The following DYNC1H1 variants were observed in gnomAD, a reference collection of about 807,000 sequenced individuals.
DYNC1H1 encodes the protein dynein cytoplasmic 1 heavy chain 1, also known as cytoplasmic dynein 1 heavy chain 1.
In DYNC1H1, 51 loss-of-function variants were observed where a neutral mutation model predicts 527.1. The observed-to-expected ratio is 0.10, with a 90% CI of 0.08 to 0.12. The LOEUF (loss-of-function observed/expected upper bound fraction) is 0.12, where lower values mean the gene tolerates loss of function less well. DYNC1H1 is among the 10% of genes least tolerant of loss of function. The pLI, the probability that DYNC1H1 is intolerant of heterozygous loss-of-function variation, is 1.00. For synonymous variants in DYNC1H1, 2,189 were observed against 2,278.8 expected (o/e 0.96, Z 1.12); for missense variants, 2,771 against 5,971.8 (o/e 0.46, Z 17.66).
Position 102,004,878 on chromosome 14 carries a change from G to T in DYNC1H1, c.5166G>T (p.Thr1722=), listed in dbSNP as rs369232191. 8.4e-5 allele frequency: 135 copies of T among 1,614,096 alleles called. No individual in the cohort carries two copies. The highest frequency in any genetic ancestry group is 1.1e-4 in the Non-Finnish European group (127 of 1,180,058). The change falls in exon 25 of 78, where the codon ACG becomes ACT. Residue 1722 remains threonine (T), a synonymous_variant. Coordinates refer to ENST00000360184, the MANE Select transcript of DYNC1H1 (RefSeq NM_001376.5). ...TLAKLLAESV[T]EVEIFGKATS... is the part of the protein sequence containing the mutation. Reference sequence around the variant, plus strand: ...CCAAACTGCTTGCTGAGTCTGTTACGGAAGTTGAGATTTTTGGTAAAGCAA... The same window carrying T: ...CCAAACTGCTTGCTGAGTCTGTTACTGAAGTTGAGATTTTTGGTAAAGCAA...
chr14:101,970,484 T>G (rs1358962601), intron 1 of DYNC1H1, among the ~76,000 whole-genome samples: 16 of 123,434 alleles, frequency 1.3e-4, no homozygotes, highest in South Asian at 2.9e-4. Flanking sequence ...TTTTTTTTTT[T>G]TTTTTTTTTT....
In DYNC1H1 at chr14:102,016,466, A is replaced by G; in HGVS notation, c.7591A>G (p.Asn2531Asp). 1 of 1,614,170 alleles carries G rather than the reference A, an allele frequency of 6.2e-7. No homozygotes were observed. The highest frequency in any genetic ancestry group is 8.5e-7 in the Non-Finnish European group (1 of 1,180,032). ...GACCGTGCCTCTGCCCACTGCGCCC[A>G]ACATACCCATTATCGATTATGAGGT... ...ITTVPLPTAP[N>D]IPIIDYEVSI... is the part of the protein sequence containing the mutation. The change falls in exon 37 of 78, where the codon AAC becomes GAC. Residue 2531 changes from asparagine (N) to aspartate (D), a missense_variant. By Grantham distance (23) the Asn-to-Asp change is conservative (BLOSUM62 1). Coordinates refer to ENST00000360184, the MANE Select transcript of DYNC1H1 (RefSeq NM_001376.5). This position sits in a 1 kb window ranked among gnomAD's most constrained non-coding sequence, Gnocchi z 7.3.
rs1236532725 is a variant in DYNC1H1, at chr14:102,002,763, G to A, written c.4710-29G>A. The A allele has an allele frequency of 1.2e-6, 2 of 1,614,248 alleles. No individual in the cohort carries two copies. The highest frequency in any genetic ancestry group is 1.7e-6 in the Non-Finnish European group (2 of 1,180,052). ...CGGCTAGTGACTACTCTACACAAAGGCTGACGCATGTTTTAATTTCATTTG... is the reference window on the plus strand; with the variant it reads ...CGGCTAGTGACTACTCTACACAAAGACTGACGCATGTTTTAATTTCATTTG... On this transcript the variant is annotated intron_variant, in intron 22 of 77. Coordinates refer to ENST00000360184, the MANE Select transcript of DYNC1H1 (RefSeq NM_001376.5). The surrounding 1 kb of genome is among the most constrained non-coding windows in gnomAD (Gnocchi z 4.4).
In DYNC1H1 at chr14:102,038,990, A is replaced by G; in HGVS notation, c.11207-11A>G. ...GATTATTGCAAACTCTGGATGTTTT[A>G]TTCATTTAAGGGGAATTTCAGCTCC... On this transcript the variant is annotated splice_polypyrimidine_tract_variant and intron_variant, in intron 59 of 77. Coordinates refer to ENST00000360184, the MANE Select transcript of DYNC1H1 (RefSeq NM_001376.5). This position sits in a 1 kb window ranked among gnomAD's most constrained non-coding sequence, Gnocchi z 7.2. 1 of 1,613,996 alleles carries G rather than the reference A, an allele frequency of 6.2e-7. No homozygotes were observed. The highest frequency in any genetic ancestry group is 8.5e-7 in the Non-Finnish European group (1 of 1,180,026).
At position 101,964,678 on chromosome 14, in the gene DYNC1H1, C is replaced by G; in HGVS notation, c.-14C>G. On this transcript the variant is annotated 5_prime_UTR_variant, in exon 1 of 78. Coordinates refer to ENST00000360184, the MANE Select transcript of DYNC1H1 (RefSeq NM_001376.5). This position sits in a 1 kb window ranked among gnomAD's most constrained non-coding sequence, Gnocchi z 5.5. ...GCCTTCTCATCGCTCCTGGAAGGTCCCGAGCGCGACACCATGTCGGAGCCC... is the reference window on the plus strand; with the variant it reads ...GCCTTCTCATCGCTCCTGGAAGGTCGCGAGCGCGACACCATGTCGGAGCCC... 6.3e-7 allele frequency: 1 copy of G among 1,581,672 alleles called. No individual in the cohort carries two copies. The highest frequency in any genetic ancestry group is 8.5e-7 in the Non-Finnish European group (1 of 1,169,802).
chr14:102,017,565 C>G lies in DYNC1H1; in HGVS notation c.8177+61C>G. 1 of 1,613,926 alleles carries G rather than the reference C, an allele frequency of 6.2e-7. No homozygotes were observed. Among genetic ancestry groups the G allele is most frequent in the Non-Finnish European group, 8.5e-7 (1 of 1,179,882 alleles). On this transcript the variant is annotated intron_variant, in intron 40 of 77. Transcript: ENST00000360184. This position sits in a 1 kb window ranked among gnomAD's most constrained non-coding sequence, Gnocchi z 4.6. ...CGCACAGCTCCAGGATTGCTGTAAACACAGCGCCACAAAAACCTGGTTTTG... is the reference window on the plus strand; with the variant it reads ...CGCACAGCTCCAGGATTGCTGTAAAGACAGCGCCACAAAAACCTGGTTTTG...
rs769959461 is a variant in DYNC1H1 at position 102,047,874 on chromosome 14, T to C, written c.13064T>C (p.Leu4355Pro). ...CAGATGTTGGAGGATGAGGACGACC[T>C]GGCCTACGCAGAGACTGAGAAGAAG... ...KMQMLEDEDD[L>P]AYAETEKKTR... The change falls in exon 73 of 78, where the codon CTG becomes CCG. Residue 4355 changes from leucine to proline, a missense_variant. Transcript: ENST00000360184. 1 of 1,613,610 alleles carries C rather than the reference T, an allele frequency of 6.2e-7. No homozygotes were observed. Among genetic ancestry groups the C allele is most frequent in the Non-Finnish European group, 8.5e-7 (1 of 1,179,994 alleles).
chr14:102,002,080 GT>G lies in DYNC1H1; in HGVS notation c.4542+406del, dbSNP rs939328444. Among the ~76,000 whole-genome samples, 3 of 150,846 alleles carry G rather than the reference GT, an allele frequency of 2.0e-5. No individual in the cohort carries two copies. The highest frequency in any genetic ancestry group is 4.4e-5 in the Non-Finnish European group (3 of 67,684). ...GAGTCACCACAGCCAGTCAATACTT[GT>G]TTTTTTGTTTGTTTGCTTGCTTTTT... On this transcript the variant is annotated intron_variant, in intron 21 of 77. Transcript: ENST00000360184. This position sits in a 1 kb window ranked among gnomAD's most constrained non-coding sequence, Gnocchi z 4.4.
chr14:102,013,247 T>TGA (rs1214960339), intron 34 of DYNC1H1, among the ~76,000 whole-genome samples: 1 of 30,250 alleles, frequency 3.3e-5, no homozygotes, highest in East Asian at 1.1e-3. Context: ...AGACTCCGTC[T>TGA]CAAAAAAAAA....
chr14:102,048,594 G>T lies in DYNC1H1; in HGVS notation c.13297G>T (p.Asp4433Tyr), dbSNP rs749297332. The part of the protein sequence containing the change: ...LLQDVRQDLA[D>Y]VVQVCEGKKK... ...TCAGGACGTTCGCCAGGACCTTGCA[G>T]ATGTCGTCCAGGTGTGCGAAGGAAA... The change falls in exon 74 of 78, where the codon GAT (aspartate) becomes TAT (tyrosine). Residue 4433 changes from aspartate to tyrosine, a missense_variant. By Grantham distance (160) the Asp-to-Tyr change is radical (BLOSUM62 -3). Around this residue, in one of 32 missense-constraint regions of DYNC1H1, gnomAD observed 170 missense variants for 249.8 expected, o/e 0.68. Coordinates refer to ENST00000360184, the MANE Select transcript of DYNC1H1 (RefSeq NM_001376.5). 1.2e-6 allele frequency: 2 copies of T among 1,614,216 alleles called. No homozygotes were observed. Among genetic ancestry groups the T allele is most frequent in the East Asian group, 4.5e-5 (2 of 44,880 alleles).
chr14:101,979,284 A>C lies in DYNC1H1; in HGVS notation c.345-35A>C, dbSNP rs747625605. The C allele has an allele frequency of 2.7e-5, 43 of 1,606,958 alleles. No individual in the cohort carries two copies. The highest frequency in any genetic ancestry group is 3.6e-5 in the Non-Finnish European group (42 of 1,173,936). On this transcript the variant is annotated intron_variant, in intron 2 of 77. Transcript: ENST00000360184. The surrounding 1 kb of genome is among the most constrained non-coding windows in gnomAD (Gnocchi z 4.6). Reference sequence around the variant, plus strand: ...ATTAATAAGCCTAATTAGGAGTGTAACTTTTCTAATTTCTTGTTTTATTTT... The same window carrying C: ...ATTAATAAGCCTAATTAGGAGTGTACCTTTTCTAATTTCTTGTTTTATTTT...
At position 102,027,040 on chromosome 14, in the gene DYNC1H1, C is replaced by T. The variant is rs2048458988; in HGVS notation, c.8772-134C>T. The T allele has an allele frequency of 9.3e-7, 1 of 1,079,596 alleles. No homozygotes were observed. Among genetic ancestry groups the T allele is most frequent in the Non-Finnish European group, 1.4e-6 (1 of 699,980 alleles). The allele number at this position is 1,079,596 out of a possible 1,614,324, so 66.9% of individuals were successfully genotyped here. A position where few individuals can be genotyped will look rare whatever the true frequency, so the allele number is the denominator to read the frequency against. ...CATTCCTCCTGGACTTCACAAATAA[C>T]AGTTGCTCAGCAAATGTTTAATATA... On this transcript the variant is annotated intron_variant, in intron 44 of 77. Coordinates refer to ENST00000360184, the MANE Select transcript of DYNC1H1 (RefSeq NM_001376.5). This position sits in a 1 kb window ranked among gnomAD's most constrained non-coding sequence, Gnocchi z 7.7.
intron 1 of DYNC1H1, among the ~76,000 whole-genome samples, chr14:101,975,495 C>T (rs1339994868): frequency 1.3e-5 from 2 of 152,154 alleles, no homozygotes; most frequent in Non-Finnish European, 2.9e-5. Flanking sequence ...GGCATGCTCA[C>T]GCTACCCCAC....
At chr14:102,014,776 A>G (rs557844132) in intron 34 of DYNC1H1, among the ~76,000 whole-genome samples, 5 of 152,256 alleles carry the variant, frequency 3.3e-5, no homozygotes, top group Non-Finnish European at 7.4e-5. Context: ...TGAATACTGT[A>G]GTGATGTGAG....
At chr14:102,014,063 A>G (rs942121228) in intron 34 of DYNC1H1, among the ~76,000 whole-genome samples, 4 of 152,192 alleles carry the variant, frequency 2.6e-5, no homozygotes, top group East Asian at 3.8e-4. Flanking sequence ...ACTTACTCCA[A>G]CAACTCAAGT....
rs753748839 is a variant in DYNC1H1, at chr14:102,040,372, G to A, written c.11827G>A (p.Ala3943Thr). 12 of 1,614,072 alleles carry A rather than the reference G, an allele frequency of 7.4e-6. No individual in the cohort carries two copies. Among genetic ancestry groups the A allele is most frequent in the Middle Eastern group, 1.6e-4 (1 of 6,084 alleles). ...GGTGGTGAGGCTGAGCTGCCTTCCC[G>A]CGTTTAAGGACTTGATTGCAAAGGT... is the stretch of plus-strand genomic sequence containing the variant. ...EAVVRLSCLP[A>T]FKDLIAKVQA... The change falls in exon 63 of 78, where the codon GCG becomes ACG. Residue 3943 changes from alanine to threonine, a missense_variant. Physicochemically the swap from Ala to Thr is moderately conservative, Grantham distance 58. Coordinates refer to ENST00000360184, the MANE Select transcript of DYNC1H1 (RefSeq NM_001376.5).
In DYNC1H1 at chr14:102,051,255, C is replaced by CAAA; in HGVS notation, c.*703_*705dup. On this transcript the variant is annotated 3_prime_UTR_variant, in exon 78 of 78. Transcript: ENST00000360184. ...TGGGTGACAGAGCAAGACCCTGTCT[C>CAAA]AAAAAAAAAAAAAGCTGGGCGTGGT... 2 of 141,428 alleles carry CAAA rather than the reference C, an allele frequency of 1.4e-5. No homozygotes were observed. The highest frequency in any genetic ancestry group is 3.1e-5 in the Non-Finnish European group (2 of 64,390). The allele number at this position is 141,428 out of a possible 1,614,324, so 8.8% of individuals were successfully genotyped here. A position where few individuals can be genotyped will look rare whatever the true frequency, so the allele number is the denominator to read the frequency against.
chr14:101,984,096 T>TA (rs1385904021), intron 7 of DYNC1H1, among the ~76,000 whole-genome samples: 1 of 152,054 alleles, frequency 6.6e-6, no homozygotes, highest in Non-Finnish European at 1.5e-5. Context: ...GCTTCCTGAG[T>TA]AGCTGGGACT....
At chr14:101,999,751 A>T (rs1353496838) in intron 16 of DYNC1H1, among the ~76,000 whole-genome samples, 3 of 152,196 alleles carry the variant, frequency 2.0e-5, no homozygotes, top group Non-Finnish European at 4.4e-5. Flanking sequence ...ACAATGGCTA[A>T]ATCAAGAGAT....
Sources: gnomAD v4.1 joint callset for allele counts (sites outside exome capture counted in the v4.1 genomes callset) on GRCh38, gnomAD v4.1.1 for gene constraint, gnomAD v4.1.1 regional missense constraint, Gnocchi (gnomAD v3.1) non-coding constraint, MANE v1.5 for transcripts, NCBI Gene and HGNC (gene_info 2026-07-23, HGNC 2026-07-21) for gene names.